TUSC3: variants seen among roughly 807,000 people sequenced by gnomAD.
TUSC3 encodes the protein dolichyl-diphosphooligosaccharide--protein glycosyltransferase subunit TUSC3.
Under a neutral mutation model 44.8 loss-of-function variants are expected in TUSC3, and 45 were observed. The observed-to-expected ratio is 1.00, with a 90% CI of 0.79 to 1.29. TUSC3 has a LOEUF of 1.29. Among genes scored for constraint, TUSC3 ranks in the 50% most tolerant of loss-of-function variants. The pLI is 0.00. For missense variants in TUSC3, 519 were observed against 437.9 expected, an observed-to-expected ratio of 1.19 and a Z score of -1.65; for synonymous variants, 212 against 152.9, an observed-to-expected ratio of 1.39 and a Z score of -2.85.
At chr8:15,523,539 A>G (rs1002755317) in intron 2 of TUSC3, among the ~76,000 whole-genome samples, 3 of 151,440 alleles carry the variant, frequency 2.0e-5, no homozygotes, top group Admixed American at 6.6e-5. Flanking sequence ...GTGTTTTCTA[A>G]TAATAGCATG....
At chr8:15,816,799 G>A in the TUSC3 span, among the ~76,000 whole-genome samples, 1 of 152,158 alleles carries the variant, frequency 6.6e-6, no homozygotes, top group African/African-American at 2.4e-5. Context: ...TCATACAAAT[G>A]ATACAATGTA....
the TUSC3 span, among the ~76,000 whole-genome samples, chr8:15,799,888 G>C: frequency 8.9e-4 from 136 of 152,292 alleles, no homozygotes; most frequent in Non-Finnish European, 1.5e-3. Flanking sequence ...GCAGCAGCCA[G>C]AACATGTGCA....
intron 2 of TUSC3, among the ~76,000 whole-genome samples, chr8:15,510,744 T>C (rs1400513440): frequency 6.7e-6 from 1 of 150,276 alleles, no homozygotes; most frequent in Non-Finnish European, 1.5e-5. Flanking sequence ...AAGTCAGTGT[T>C]ACTCTCATTA....
chr8:15,468,225 C>G (rs1800439839), intron 1 of TUSC3, among the ~76,000 whole-genome samples: 1 of 152,152 alleles, frequency 6.6e-6, no homozygotes, highest in Non-Finnish European at 1.5e-5. Context: ...GCAAAGAGGA[C>G]AGATGCCCTG....
chr8:15,451,340 G>C (rs577054572), intron 1 of TUSC3, among the ~76,000 whole-genome samples: 1 of 152,084 alleles, frequency 6.6e-6, no homozygotes, highest in South Asian at 2.1e-4. Flanking sequence ...CTCCTGGGTA[G>C]CTCAGATCAA....
chr8:15,434,343 T>A (rs1179689738), intron 1 of TUSC3, among the ~76,000 whole-genome samples: 1 of 152,158 alleles, frequency 6.6e-6, no homozygotes, highest in East Asian at 1.9e-4. Flanking sequence ...TGGATACAAA[T>A]TCTTTGTCAG....
chr8:15,604,003 A>G (rs1804414146), intron 1 of TUSC3, among the ~76,000 whole-genome samples: 1 of 151,626 alleles, frequency 6.6e-6, no homozygotes, highest in Non-Finnish European at 1.5e-5. Context: ...AGCCTATGTG[A>G]CCATTATTAA....
At chr8:15,690,570 T>C (rs117291114) in intron 6 of TUSC3, among the ~76,000 whole-genome samples, 3,234 of 152,286 alleles carry the variant, frequency 0.021, 44 homozygotes, top group East Asian at 0.05. Flanking sequence ...CATGAAATCT[T>C]TGCCAGATCC....
At chr8:15,694,214 G>A (rs1330168423) in intron 6 of TUSC3, among the ~76,000 whole-genome samples, 6 of 151,930 alleles carry the variant, frequency 3.9e-5, no homozygotes, top group East Asian at 2.0e-4. Context: ...AGGATGAGGC[G>A]GGCAGATCGC....
At chr8:15,507,622 G>T (rs1801074613) in intron 2 of TUSC3, among the ~76,000 whole-genome samples, 2 of 152,058 alleles carry the variant, frequency 1.3e-5, no homozygotes, top group South Asian at 4.1e-4. Context: ...TGTAAATCAG[G>T]ATGATTTCGG....
intron 2 of TUSC3, among the ~76,000 whole-genome samples, chr8:15,525,591 A>G (rs1433953531): frequency 2.0e-5 from 3 of 152,198 alleles, no homozygotes; most frequent in African/African-American, 4.8e-5. Flanking sequence ...GGTCCTGAGA[A>G]CAAAAAAGTT....
At chr8:15,463,309 A>G (rs1301371745) in intron 1 of TUSC3, among the ~76,000 whole-genome samples, 1 of 152,160 alleles carries the variant, frequency 6.6e-6, no homozygotes, top group East Asian at 1.9e-4. Context: ...AAATTAGAGG[A>G]GTCCGTCATC....
chr8:15,677,733 A>C (rs1808252679), intron 6 of TUSC3, among the ~76,000 whole-genome samples: 1 of 152,300 alleles, frequency 6.6e-6, no homozygotes, highest in South Asian at 2.1e-4. Flanking sequence ...ACACATAGCT[A>C]CCAGGGCCAA....
rs372647565 is a variant in TUSC3 at position 15,619,205 on chromosome 8, T to C, written c.139-3875T>C. On this transcript the variant is annotated intron_variant, in intron 1 of 10. Transcript: ENST00000503731. ...CTAAGAATAGGCGAGATTTCAGTTCTTATTTTCACTATGATTTGATATTTA... is the reference window on the plus strand; with the variant it reads ...CTAAGAATAGGCGAGATTTCAGTTCCTATTTTCACTATGATTTGATATTTA... 1.3e-3 allele frequency among the ~76,000 whole-genome samples: 201 copies of C among 152,340 alleles called. 1 individual carries two copies. The highest frequency in any genetic ancestry group is 4.8e-3 in the African/African-American group (199 of 41,586).
At chr8:15,727,433 G>C (rs1810541579) in intron 6 of TUSC3, among the ~76,000 whole-genome samples, 1 of 152,078 alleles carries the variant, frequency 6.6e-6, no homozygotes, top group African/African-American at 2.4e-5. Context: ...GAGAATATAG[G>C]TATTTTTTCC....
At chr8:15,811,802 A>C in the TUSC3 span, among the ~76,000 whole-genome samples, 1 of 152,032 alleles carries the variant, frequency 6.6e-6, no homozygotes, top group Non-Finnish European at 1.5e-5. Flanking sequence ...GCTTAATTAC[A>C]TTTTTAAGTT....
intron 1 of TUSC3, among the ~76,000 whole-genome samples, chr8:15,559,646 T>G (rs1257948159): frequency 1.4e-5 from 2 of 138,200 alleles, no homozygotes; most frequent in Admixed American, 7.3e-5. Context: ...CTAATTCTCT[T>G]TGTAGGTCAC....
chr8:15,738,827 C>CTTTTTTTTTCTTTCTTTT (rs1554484836), intron 7 of TUSC3, among the ~76,000 whole-genome samples: 37 of 87,204 alleles, frequency 4.2e-4, no homozygotes, highest in Admixed American at 1.4e-3. Context: ...ATATATCTTG[C>CTTTTTTTTTCTTTCTTTT]TTTTTTTTTT....
chr8:15,465,664 A>G (rs1189547534), intron 1 of TUSC3, among the ~76,000 whole-genome samples: 1 of 152,226 alleles, frequency 6.6e-6, no homozygotes, highest in African/African-American at 2.4e-5. Flanking sequence ...AAGTTCCTGT[A>G]AAACTTTTAT....
Sources: gnomAD v4.1 joint callset for allele counts (sites outside exome capture counted in the v4.1 genomes callset) on GRCh38, gnomAD v4.1.1 for gene constraint, MANE v1.5 for transcripts, NCBI Gene and HGNC (gene_info 2026-07-23, HGNC 2026-07-21) for gene names.